CADM2: variants seen among roughly 807,000 people sequenced by gnomAD.
CADM2 encodes immunoglobulin superfamily member 4D.
In CADM2, 12 loss-of-function variants were observed where a neutral mutation model predicts 49.8. The ratio of observed to expected loss-of-function variants is 0.24; its 90% CI spans 0.15 to 0.39. The LOEUF is 0.39. CADM2 is among the 10% of genes least tolerant of loss of function. The pLI, the probability that CADM2 is intolerant of heterozygous loss-of-function variation, is 1.00. For synonymous variants in CADM2, 214 were observed against 175.4 expected, an observed-to-expected ratio of 1.22 and a Z score of -1.74; for missense variants, 378 against 492.3, an observed-to-expected ratio of 0.77 and a Z score of 2.20.
chr3:85,604,192 A>G (rs557667483), intron 1 of CADM2, among the ~76,000 whole-genome samples: 14 of 151,952 alleles, frequency 9.2e-5, no homozygotes, highest in African/African-American at 3.4e-4. Context: ...TAAATATATT[A>G]TTTTATTTAA....
chr3:85,435,793 T>G (rs1414078003), intron 1 of CADM2, among the ~76,000 whole-genome samples: 1 of 152,156 alleles, frequency 6.6e-6, no homozygotes, highest in African/African-American at 2.4e-5. Flanking sequence ...TTCCATATGT[T>G]TTTTGGCCGC....
chr3:85,031,459 G>T (rs1447086237), intron 1 of CADM2, among the ~76,000 whole-genome samples: 1 of 152,096 alleles, frequency 6.6e-6, no homozygotes, highest in Non-Finnish European at 1.5e-5. Context: ...TGTGTTCTGT[G>T]TTCCCCTTAC....
intron 1 of CADM2, among the ~76,000 whole-genome samples, chr3:85,321,116 A>T (rs374446441): frequency 0.12 from 3,165 of 27,302 alleles, 36 homozygotes; most frequent in Middle Eastern, 0.2. Context: ...ATATATATAT[A>T]TTTTTTTTTT....
chr3:85,918,890 A>G (rs1718736217), intron 6 of CADM2, among the ~76,000 whole-genome samples: 2 of 152,124 alleles, frequency 1.3e-5, no homozygotes, highest in African/African-American at 2.4e-5. Flanking sequence ...TATGAGTCAG[A>G]TATTATTTAA....
rs996868573 is a variant in CADM2 at position 85,909,019 on chromosome 3, C to T, written c.530-3354C>T. 2.7e-4 allele frequency among the ~76,000 whole-genome samples: 41 copies of T among 152,192 alleles called. 1 individual carries two copies. The highest frequency in any genetic ancestry group is 1.4e-3 in the Admixed American group (22 of 15,302). ...GATTACAGGCGTGAGCCACCACGCC[C>T]GGCCTACAGTTGTGATTTTTGAGGG... On this transcript the variant is annotated intron_variant, in intron 5 of 9. Coordinates refer to ENST00000383699, the MANE Select transcript of CADM2 (RefSeq NM_001167675.2).
intron 1 of CADM2, among the ~76,000 whole-genome samples, chr3:84,999,810 A>C (rs1024089571): frequency 1.3e-5 from 2 of 152,134 alleles, no homozygotes; most frequent in African/African-American, 4.8e-5. Flanking sequence ...GGAATAATGA[A>C]GAATGACTCT....
At chr3:85,724,244 CTT>C (rs1474627724) in intron 1 of CADM2, among the ~76,000 whole-genome samples, 2 of 151,584 alleles carry the variant, frequency 1.3e-5, no homozygotes, top group Admixed American at 6.6e-5. Context: ...CTTTTTTTCT[CTT>C]GTTTTAGTGA....
chr3:86,014,836 A>T (rs558300771), intron 8 of CADM2: 332 of 1,511,788 alleles, frequency 2.2e-4, no homozygotes, highest in Non-Finnish European at 2.7e-4. Context: ...GAAGCCCTCC[A>T]CCTGCCTGAC....
At chr3:85,823,859 A>G (rs2073750462) in intron 3 of CADM2, among the ~76,000 whole-genome samples, 1 of 152,188 alleles carries the variant, frequency 6.6e-6, no homozygotes, top group African/African-American at 2.4e-5. Context: ...AGTATAATAG[A>G]GTATCTCCTG....
intron 1 of CADM2, among the ~76,000 whole-genome samples, chr3:85,179,496 C>T (rs1025904944): frequency 1.3e-5 from 2 of 151,310 alleles, no homozygotes; most frequent in South Asian, 2.1e-4. Context: ...GCAGGAAATC[C>T]TTTTTTTTAA....
At chr3:85,551,706 C>T (rs1159803118) in intron 1 of CADM2, among the ~76,000 whole-genome samples, 1 of 152,114 alleles carries the variant, frequency 6.6e-6, no homozygotes, top group African/African-American at 2.4e-5. Context: ...AGTACTAACA[C>T]AACACAAGGC....
intron 8 of CADM2, among the ~76,000 whole-genome samples, chr3:85,971,597 A>C (rs1419162214): frequency 6.6e-6 from 1 of 151,726 alleles, no homozygotes; most frequent in African/African-American, 2.4e-5. Flanking sequence ...CAGAACTTAA[A>C]GTATTGGACC....
At chr3:85,003,421 A>G (rs879572972) in intron 1 of CADM2, among the ~76,000 whole-genome samples, 2 of 152,304 alleles carry the variant, frequency 1.3e-5, no homozygotes, top group Non-Finnish European at 2.9e-5. Flanking sequence ...TGAAAAAGCT[A>G]GAAAAGTAAC....
At chr3:85,633,602 C>G (rs1412611241) in intron 1 of CADM2, among the ~76,000 whole-genome samples, 2 of 151,916 alleles carry the variant, frequency 1.3e-5, no homozygotes, top group Non-Finnish European at 2.9e-5. Flanking sequence ...AACATTGTTT[C>G]AATATGCAGT....
rs929701328 is a variant in CADM2 at position 85,419,035 on chromosome 3, A to G, written c.62-307487A>G. 1.1e-4 allele frequency among the ~76,000 whole-genome samples: 17 copies of G among 152,304 alleles called. No homozygotes were observed. The South Asian group carries it at 3.3e-3, about 30-fold the overall frequency. ...AGAGCCCAAATAAGTACACTCAGCAATTTTGTGGCCTGCTGGTTTAAACTG... is the reference window on the plus strand; with the variant it reads ...AGAGCCCAAATAAGTACACTCAGCAGTTTTGTGGCCTGCTGGTTTAAACTG... On this transcript the variant is annotated intron_variant, in intron 1 of 9. Transcript: ENST00000383699.
At chr3:85,370,138 G>T (rs57611991) in intron 1 of CADM2, among the ~76,000 whole-genome samples, 5,951 of 150,754 alleles carry the variant, frequency 0.039, 403 homozygotes, top group African/African-American at 0.14. Context: ...GCTTGAAACC[G>T]GGAGGGAGAG....
chr3:86,061,962 G>T (rs1432483848), intron 8 of CADM2, among the ~76,000 whole-genome samples: 1 of 141,038 alleles, frequency 7.1e-6, no homozygotes, highest in Non-Finnish European at 1.5e-5. Context: ...ATGGAGAAAA[G>T]AATCCCTCAG....
At chr3:85,099,175 C>A (rs1047137961) in intron 1 of CADM2, among the ~76,000 whole-genome samples, 4 of 152,142 alleles carry the variant, frequency 2.6e-5, no homozygotes, top group African/African-American at 9.7e-5. Context: ...TATTTATGTT[C>A]TGTGAAGACA....
chr3:85,895,305 T>C (rs1343745225), intron 5 of CADM2, among the ~76,000 whole-genome samples: 1 of 152,208 alleles, frequency 6.6e-6, no homozygotes, highest in Non-Finnish European at 1.5e-5. Context: ...GGAGATCATT[T>C]CAGAGCTTTA....
Sources: allele counts gnomAD v4.1 joint callset (sites outside exome capture counted in the v4.1 genomes callset), GRCh38; gene constraint gnomAD v4.1.1; transcripts MANE v1.5; gene names NCBI Gene and HGNC (gene_info 2026-07-23, HGNC 2026-07-21).